CSTF1: variants seen among roughly 807,000 people sequenced by gnomAD.
CSTF1 encodes the protein CF-1 50 kDa subunit.
In CSTF1, 2 loss-of-function variants were observed where a neutral mutation model predicts 40.9. The ratio of observed to expected loss-of-function variants is 0.05; its 90% CI spans 0.02 to 0.15. The LOEUF is 0.15. Among genes scored for constraint, CSTF1 ranks in the 10% least tolerant of loss-of-function variants. The probability of loss-of-function intolerance (pLI) is 1.00; values close to 1 mark genes in which losing one functional copy is unlikely to be tolerated. For missense variants in CSTF1, 279 were observed against 558.9 expected, an observed-to-expected ratio of 0.50 and a Z score of 5.05; for synonymous variants, 218 against 207.2, an observed-to-expected ratio of 1.05 and a Z score of -0.45.
In CSTF1 at chr20:56,397,335, G is replaced by A. The variant is rs1387479543; in HGVS notation, c.298G>A (p.Glu100Lys). The A allele has an allele frequency of 2.5e-6, 4 of 1,614,048 alleles. No homozygotes were observed. The highest frequency in any genetic ancestry group is 1.3e-5 in the African/African-American group (1 of 74,902). ...TATGTCCCCAGAGGCTTCTGAGTACGAAACATGCTATGTCACATCACATAA... is the reference window on the plus strand; with the variant it reads ...TATGTCCCCAGAGGCTTCTGAGTACAAAACATGCTATGTCACATCACATAA... ...QTMSPEASEY[E>K]TCYVTSHKGP... The change falls in exon 3 of 6, where the codon GAA becomes AAA. Residue 100 changes from glutamate (E) to lysine (K), a missense_variant. This residue lies in a region of CSTF1 where 66 missense variants were observed against 148.0 expected (regional missense o/e 0.45). Transcript: ENST00000217109. This position sits in a 1 kb window ranked among gnomAD's most constrained non-coding sequence, Gnocchi z 4.4.
chr20:56,395,136 G>A (rs1987479843), intron 1 of CSTF1, among the ~76,000 whole-genome samples: 1 of 152,176 alleles, frequency 6.6e-6, no homozygotes, highest in Admixed American at 6.5e-5. Flanking sequence ...CTTGCATATT[G>A]CAGGTACCAG....
intron 1 of CSTF1, 40 bp from the exon 2 acceptor site, chr20:56,395,481 A>G: frequency 1.5e-6 from 2 of 1,353,858 alleles, no homozygotes; most frequent in South Asian, 2.8e-5. Context: ...GTGATTTACT[A>G]GAGCCTGTAC....
rs768748704 is a variant in CSTF1 at position 56,397,491 on chromosome 20, A to G, written c.447+7A>G. ...AAGTGCCATGCCAATAGAGGTAAAA[A>G]TTCCAGTCACATACTTATTGATTGC... On this transcript the variant is annotated splice_region_variant and intron_variant, in intron 3 of 5. Coordinates refer to ENST00000217109, the MANE Select transcript of CSTF1 (RefSeq NM_001324.3). The surrounding 1 kb of genome is among the most constrained non-coding windows in gnomAD (Gnocchi z 4.4). The G allele has an allele frequency of 1.9e-6, 3 of 1,612,056 alleles. No homozygotes were observed. Among genetic ancestry groups the G allele is most frequent in the Non-Finnish European group, 2.5e-6 (3 of 1,179,012 alleles).
At position 56,399,305 on chromosome 20, in the gene CSTF1, T is replaced by C. The variant is rs150127192; in HGVS notation, c.984T>C (p.Ser328=). Reference sequence around the variant, plus strand: ...ACATTCTCTCAAGTGGAAAAGACTCTGTAGCTAAACTTTGGGAAATATCAA... The same window carrying C: ...ACATTCTCTCAAGTGGAAAAGACTCCGTAGCTAAACTTTGGGAAATATCAA... ...SKYILSSGKD[S]VAKLWEISTG... is the part of the protein sequence containing the mutation. Residue 328 remains serine (S), a synonymous_variant, in exon 5 of 6, where the codon TCT becomes TCC. Coordinates refer to ENST00000217109, the MANE Select transcript of CSTF1 (RefSeq NM_001324.3). This position sits in a 1 kb window ranked among gnomAD's most constrained non-coding sequence, Gnocchi z 4.6. 9.2e-5 allele frequency: 148 copies of C among 1,613,992 alleles called. No homozygotes were observed. The African/African-American group carries it at 1.7e-3, about 19-fold the overall frequency.
At position 56,403,915 on chromosome 20, in the gene CSTF1, AACACAGATCTGTGCAGTTCT is replaced by A. The variant is rs1477679001; in HGVS notation, c.*192_*211del. The stretch of plus-strand genomic sequence containing the variant: ...TAGAATCATGGTGGAAAAAGTTGGA[AACACAGATCTGTGCAGTTCT>A]ACATTCACTGATTATTACAGTGTGA... On this transcript the variant is annotated 3_prime_UTR_variant, in exon 6 of 6. Transcript: ENST00000217109. 1.6e-6 allele frequency: 1 copy of A among 620,902 alleles called. No individual in the cohort carries two copies. Among genetic ancestry groups the A allele is most frequent in the African/African-American group, 1.8e-5 (1 of 54,438 alleles). 38.5% of individuals were successfully genotyped at this position (620,902 alleles called of 1,614,324 possible).
At chr20:56,403,036 C>T (rs1355299354) in intron 5 of CSTF1, among the ~76,000 whole-genome samples, 3 of 151,066 alleles carry the variant, frequency 2.0e-5, no homozygotes, top group Non-Finnish European at 4.4e-5. Context: ...GAAAAATGTA[C>T]TCAGCATAAA....
At chr20:56,395,809 G>A in intron 2 of CSTF1, 88 bp downstream of exon 2, 1 of 1,436,862 alleles carries the variant, frequency 7.0e-7, no homozygotes, top group East Asian at 2.3e-5. Flanking sequence ...TTCTTGTTTT[G>A]TTTCAGTACC....
At chr20:56,402,533 T>A (rs1978504432) in intron 5 of CSTF1, among the ~76,000 whole-genome samples, 1 of 152,224 alleles carries the variant, frequency 6.6e-6, no homozygotes, top group South Asian at 2.1e-4. Context: ...TTTGTCTCAG[T>A]AATTCTGTCT....
At position 56,404,440 on chromosome 20, in the gene CSTF1, C is replaced by A. The variant is rs1978616887; in HGVS notation, c.*713C>A. ...AGAAACAATTGAAAATATATCCGAT[C>A]TAATTAAATTAGGTCAGCCTGCTAT... On this transcript the variant is annotated 3_prime_UTR_variant, in exon 6 of 6. Coordinates refer to ENST00000217109, the MANE Select transcript of CSTF1 (RefSeq NM_001324.3). 1 of 152,152 alleles carries A rather than the reference C, an allele frequency of 6.6e-6. No homozygotes were observed. The highest frequency in any genetic ancestry group is 2.4e-5 in the African/African-American group (1 of 41,422). The allele number at this position is 152,152 out of a possible 1,614,324, so 9.4% of individuals were successfully genotyped here.
At position 56,405,314 on chromosome 20, in the gene CSTF1, C is replaced by T. The variant is rs1978659211; in HGVS notation, c.*1587C>T. 1 of 152,202 alleles carries T rather than the reference C, an allele frequency of 6.6e-6. No individual in the cohort carries two copies. Among genetic ancestry groups the T allele is most frequent in the Non-Finnish European group, 1.5e-5 (1 of 68,068 alleles). 9.4% of individuals were successfully genotyped at this position (152,202 alleles called of 1,614,324 possible). ...CTCCGCCACCTGGGTTCAAACGATTCTCCTGCCTCAGGCTCCCGAGTAACT... is the reference window on the plus strand; with the variant it reads ...CTCCGCCACCTGGGTTCAAACGATTTTCCTGCCTCAGGCTCCCGAGTAACT... On this transcript the variant is annotated 3_prime_UTR_variant, in exon 6 of 6. Coordinates refer to ENST00000217109, the MANE Select transcript of CSTF1 (RefSeq NM_001324.3).
chr20:56,394,692 G>A (rs752157852), intron 1 of CSTF1, among the ~76,000 whole-genome samples: 3 of 152,196 alleles, frequency 2.0e-5, no homozygotes, highest in Non-Finnish European at 2.9e-5. Flanking sequence ...ATACATAAAG[G>A]CATTGATTTT....
At chr20:56,398,880 T>C (rs753081959) in intron 4 of CSTF1, 87 bp from the exon 5 acceptor site, 16 of 1,269,324 alleles carry the variant, frequency 1.3e-5, no homozygotes, top group Non-Finnish European at 4.3e-6. Flanking sequence ...TTATAGATTC[T>C]TTTCATCAGC....
chr20:56,395,491 C>T, intron 1 of CSTF1, 30 bp from the exon 2 acceptor site: 1 of 1,469,524 alleles, frequency 6.8e-7, no homozygotes, highest in East Asian at 2.3e-5. Context: ...AGAGCCTGTA[C>T]CCTTCACCGT....
Position 56,403,943 on chromosome 20 carries a change from C to G in CSTF1, c.*216C>G. The G allele has an allele frequency of 2.0e-6, 1 of 512,300 alleles. No individual in the cohort carries two copies. Among genetic ancestry groups the G allele is most frequent in the Non-Finnish European group, 3.5e-6 (1 of 289,652 alleles). The allele number at this position is 512,300 out of a possible 1,614,324, so 31.7% of individuals were successfully genotyped here. ...ACAGATCTGTGCAGTTCTACATTCACTGATTATTACAGTGTGATTTTCATC... is the reference window on the plus strand; with the variant it reads ...ACAGATCTGTGCAGTTCTACATTCAGTGATTATTACAGTGTGATTTTCATC... On this transcript the variant is annotated 3_prime_UTR_variant, in exon 6 of 6. Transcript: ENST00000217109.
At position 56,399,318 on chromosome 20, in the gene CSTF1, T is replaced by C. The variant is rs1407621587; in HGVS notation, c.997T>C (p.Trp333Arg). 6.2e-7 allele frequency: 1 copy of C among 1,613,754 alleles called. No homozygotes were observed. The highest frequency in any genetic ancestry group is 8.5e-7 in the Non-Finnish European group (1 of 1,179,784). The change falls in exon 5 of 6, where the codon TGG becomes CGG. Residue 333 changes from tryptophan (W) to arginine (R), a missense_variant. Physicochemically the swap from Trp to Arg is moderately radical, Grantham distance 101. Coordinates refer to ENST00000217109, the MANE Select transcript of CSTF1 (RefSeq NM_001324.3). The surrounding 1 kb of genome is among the most constrained non-coding windows in gnomAD (Gnocchi z 4.6). ...TGGAAAAGACTCTGTAGCTAAACTT[T>C]GGGAAATATCAACGGGACGAACACT... ...SSGKDSVAKL[W>R]EISTGRTLVR...
chr20:56,399,024 G>A lies in CSTF1; in HGVS notation c.703G>A (p.Gly235Arg). ...FHPSGDFILVGTQHPTLRLYD... is the reference protein window; with the variant it reads ...FHPSGDFILVRTQHPTLRLYD... ...TCCTTCTGGAGACTTTATACTTGTCGGAACTCAGCATCCTACTCTTCGCCT... is the reference window on the plus strand; with the variant it reads ...TCCTTCTGGAGACTTTATACTTGTCAGAACTCAGCATCCTACTCTTCGCCT... The change falls in exon 5 of 6, where the codon GGA (glycine) becomes AGA (arginine). Residue 235 changes from glycine (G) to arginine (R), a missense_variant. By Grantham distance (125) the Gly-to-Arg change is moderately radical (BLOSUM62 -2). Around this residue, in one of 4 missense-constraint regions of CSTF1, gnomAD observed 162 missense variants for 337.1 expected, o/e 0.48. Transcript: ENST00000217109. The surrounding 1 kb of genome is among the most constrained non-coding windows in gnomAD (Gnocchi z 4.6). 2 of 1,613,958 alleles carry A rather than the reference G, an allele frequency of 1.2e-6. No homozygotes were observed. Among genetic ancestry groups the A allele is most frequent in the Non-Finnish European group, 1.7e-6 (2 of 1,179,938 alleles).
At position 56,404,512 on chromosome 20, in the gene CSTF1, CCT is replaced by C. The variant is rs1374950150; in HGVS notation, c.*788_*789del. On this transcript the variant is annotated 3_prime_UTR_variant, in exon 6 of 6. Coordinates refer to ENST00000217109, the MANE Select transcript of CSTF1 (RefSeq NM_001324.3). Reference sequence around the variant, plus strand: ...TTCACGAATGATTAGTATCGATTGACCTCTTTCTTAGGTGGTTTTAAGTCTTC... The same window carrying C: ...TTCACGAATGATTAGTATCGATTGACCTTTCTTAGGTGGTTTTAAGTCTTC... 1 of 152,158 alleles carries C rather than the reference CCT, an allele frequency of 6.6e-6. No individual in the cohort carries two copies. The highest frequency in any genetic ancestry group is 2.4e-5 in the African/African-American group (1 of 41,438). 9.4% of individuals were successfully genotyped at this position (152,158 alleles called of 1,614,324 possible).
rs1205863720 is a variant in CSTF1 at position 56,397,005 on chromosome 20, C to T, written c.170-202C>T. The T allele has an allele frequency of 3.6e-6, 2 of 560,636 alleles. No individual in the cohort carries two copies. The highest frequency in any genetic ancestry group is 3.8e-5 in the African/African-American group (2 of 52,752). 34.7% of individuals were successfully genotyped at this position (560,636 alleles called of 1,614,324 possible). On this transcript the variant is annotated intron_variant, in intron 2 of 5. Coordinates refer to ENST00000217109, the MANE Select transcript of CSTF1 (RefSeq NM_001324.3). The surrounding 1 kb of genome is among the most constrained non-coding windows in gnomAD (Gnocchi z 4.4). ...CTATTGGAGCCTAACCTTCCAGCAACCCATGTGGCCTCACAGCGTGGTGAA... is the reference window on the plus strand; with the variant it reads ...CTATTGGAGCCTAACCTTCCAGCAATCCATGTGGCCTCACAGCGTGGTGAA...
chr20:56,393,846 CT>C (rs1987415666), intron 1 of CSTF1, among the ~76,000 whole-genome samples: 2 of 152,130 alleles, frequency 1.3e-5, no homozygotes, highest in Non-Finnish European at 2.9e-5. Flanking sequence ...GAGGGTCAGA[CT>C]TTAGGCAGGT....
Sources: allele counts gnomAD v4.1 joint callset (sites outside exome capture counted in the v4.1 genomes callset), GRCh38; gene constraint gnomAD v4.1.1; regional missense constraint gnomAD v4.1.1; non-coding constraint Gnocchi (gnomAD v3.1); transcripts MANE v1.5; gene names NCBI Gene and HGNC (gene_info 2026-07-23, HGNC 2026-07-21).